CCDC178: variants seen among roughly 807,000 people sequenced by gnomAD.
CCDC178 encodes coiled-coil domain containing 178, also known as coiled-coil domain-containing protein 178.
A neutral mutation model predicts 117.4 loss-of-function variants in CCDC178; 126 were observed. That is an observed-to-expected ratio of 1.07 (90% CI 0.93 to 1.24). CCDC178 has a LOEUF of 1.24. Among genes scored for constraint, CCDC178 ranks in the 50% most tolerant of loss-of-function variants. CCDC178 has a pLI of 0.00. For missense variants in CCDC178, 1,030 were observed against 986.9 expected (o/e 1.04, Z -0.59); for synonymous variants, 283 against 313.4 (o/e 0.90, Z 1.02).
At chr18:33,075,392 T>C (rs1177263683) in intron 21 of CCDC178, among the ~76,000 whole-genome samples, 3 of 152,172 alleles carry the variant, frequency 2.0e-5, no homozygotes, top group African/African-American at 7.2e-5. Flanking sequence ...TGTTTGTTCA[T>C]TCAAAAATAC....
At chr18:32,979,140 T>A (rs184033801) in intron 21 of CCDC178, among the ~76,000 whole-genome samples, 127 of 151,982 alleles carry the variant, frequency 8.4e-4, no homozygotes, top group African/African-American at 2.9e-3. Context: ...CTGCCTATAA[T>A]ATCTGCACTG....
intron 20 of CCDC178, among the ~76,000 whole-genome samples, chr18:33,206,397 T>TA (rs1255714658): frequency 6.6e-6 from 1 of 151,128 alleles, no homozygotes; most frequent in Non-Finnish European, 1.5e-5. Context: ...ATTAATCAAT[T>TA]AAAAAACAAA....
intron 21 of CCDC178, among the ~76,000 whole-genome samples, chr18:33,061,984 G>A (rs954338353): frequency 1.3e-5 from 2 of 152,130 alleles, no homozygotes; most frequent in African/African-American, 2.4e-5. Flanking sequence ...TATTTTTAGT[G>A]TAAAAGTAAT....
chr18:33,398,117 G>A (rs1355699635), intron 3 of CCDC178, among the ~76,000 whole-genome samples: 1 of 151,918 alleles, frequency 6.6e-6, no homozygotes, highest in African/African-American at 2.4e-5. Context: ...GCAAATATGT[G>A]CATGTGTTTG....
chr18:33,184,529 T>C (rs1432886922), intron 20 of CCDC178, among the ~76,000 whole-genome samples: 2 of 151,994 alleles, frequency 1.3e-5, no homozygotes, highest in Non-Finnish European at 2.9e-5. Flanking sequence ...ACCAAACAGA[T>C]ATACACTAAC....
intron 20 of CCDC178, among the ~76,000 whole-genome samples, chr18:33,176,245 T>C (rs1035389596): frequency 6.6e-6 from 1 of 152,182 alleles, no homozygotes; most frequent in Non-Finnish European, 1.5e-5. Flanking sequence ...CATGGAGTTG[T>C]CCAGTCTGAC....
intron 20 of CCDC178, among the ~76,000 whole-genome samples, chr18:33,182,300 G>A (rs1293010791): frequency 1.3e-5 from 2 of 151,790 alleles, no homozygotes; most frequent in African/African-American, 4.8e-5. Context: ...TGAATAACAA[G>A]TAGAAAAATA....
At chr18:33,118,923 A>C (rs953481805) in intron 20 of CCDC178, among the ~76,000 whole-genome samples, 4 of 152,196 alleles carry the variant, frequency 2.6e-5, no homozygotes, top group African/African-American at 9.6e-5. Context: ...ACCTGACAAA[A>C]ACAAGAAATG....
intron 15 of CCDC178, among the ~76,000 whole-genome samples, chr18:33,239,141 G>A (rs7237739): frequency 0.067 from 10,193 of 152,008 alleles, 513 homozygotes; most frequent in African/African-American, 0.14. Flanking sequence ...ATCTGGTGGT[G>A]AAAAAACAAT....
intron 5 of CCDC178, among the ~76,000 whole-genome samples, chr18:33,378,191 A>G (rs897296180): frequency 6.6e-6 from 1 of 151,990 alleles, no homozygotes; most frequent in Admixed American, 6.5e-5. Flanking sequence ...TAGATACTTT[A>G]TTATTTTGTG....
At chr18:33,112,958 G>T (rs1335504759) in intron 20 of CCDC178, among the ~76,000 whole-genome samples, 2 of 151,990 alleles carry the variant, frequency 1.3e-5, no homozygotes, top group African/African-American at 4.8e-5. Flanking sequence ...CTAATCCCTA[G>T]GATTCCTACT....
chr18:33,172,586 C>T (rs1415057737), intron 20 of CCDC178, among the ~76,000 whole-genome samples: 1 of 152,074 alleles, frequency 6.6e-6, no homozygotes, highest in Non-Finnish European at 1.5e-5. Flanking sequence ...GGACATTCTA[C>T]TATGAACAAA....
intron 20 of CCDC178, among the ~76,000 whole-genome samples, chr18:33,169,594 G>T (rs1443651727): frequency 6.6e-6 from 1 of 152,114 alleles, no homozygotes; most frequent in Non-Finnish European, 1.5e-5. Flanking sequence ...CAGAGGGGTG[G>T]TTGAATATCA....
intron 3 of CCDC178, among the ~76,000 whole-genome samples, chr18:33,402,040 G>A (rs2063715785): frequency 6.6e-6 from 1 of 151,962 alleles, no homozygotes; most frequent in African/African-American, 2.4e-5. Context: ...TTGAATGTGA[G>A]GTACATTTGT....
At position 33,230,612 on chromosome 18, in the gene CCDC178, T is replaced by A. The variant is rs537252470; in HGVS notation, c.1594-3757A>T. ...TTCAGATTCTTTCAAATTAAAAAGA[T>A]GTTATTTTTTAAAAAAAATCTTTAT... On this transcript the variant is annotated intron_variant, in intron 15 of 22. Coordinates refer to ENST00000383096, the MANE Select transcript of CCDC178 (RefSeq NM_001105528.4). Among the ~76,000 whole-genome samples, 3 of 152,224 alleles carry A rather than the reference T, an allele frequency of 2.0e-5. No homozygotes were observed. In the East Asian group the frequency reaches 5.8e-4, roughly 29 times the overall value.
chr18:33,055,644 T>TGA (rs1567959997), intron 21 of CCDC178, among the ~76,000 whole-genome samples: 2 of 152,188 alleles, frequency 1.3e-5, no homozygotes, highest in African/African-American at 4.8e-5. Flanking sequence ...TTATTCTTTA[T>TGA]GAATGTTCTC....
chr18:33,341,701 C>A (rs1011270530), intron 9 of CCDC178, among the ~76,000 whole-genome samples: 1 of 152,148 alleles, frequency 6.6e-6, no homozygotes, highest in African/African-American at 2.4e-5. Flanking sequence ...TCTCTTGCCA[C>A]CACCATGTAA....
intron 11 of CCDC178, among the ~76,000 whole-genome samples, chr18:33,322,211 A>C (rs2062521080): frequency 6.6e-6 from 1 of 151,930 alleles, no homozygotes; most frequent in Admixed American, 6.6e-5. Context: ...TTGACAGAAA[A>C]ATTAAAAAAA....
chr18:33,092,745 T>C lies in CCDC178; in HGVS notation c.2388+16A>G, dbSNP rs201693139. On this transcript the variant is annotated intron_variant, in intron 21 of 22. Transcript: ENST00000383096. Reference sequence around the variant, plus strand: ...GACATAAATCATCACCTTAAAACAATTAGAAAAACCAATACCTGTTTCTTA... The same window carrying C: ...GACATAAATCATCACCTTAAAACAACTAGAAAAACCAATACCTGTTTCTTA... 3.1e-4 allele frequency: 474 copies of C among 1,520,432 alleles called. No homozygotes were observed. The highest frequency in any genetic ancestry group is 8.7e-4 in the Middle Eastern group (5 of 5,756). The allele number at this position is 1,520,432 out of a possible 1,614,324, so 94.2% of individuals were successfully genotyped here. A position where few individuals can be genotyped will look rare whatever the true frequency, so the allele number is the denominator to read the frequency against.
Sources: gnomAD v4.1 joint callset for allele counts (sites outside exome capture counted in the v4.1 genomes callset) on GRCh38, gnomAD v4.1.1 for gene constraint, MANE v1.5 for transcripts, NCBI Gene and HGNC (gene_info 2026-07-23, HGNC 2026-07-21) for gene names.